TYW1: variants seen among roughly 807,000 people sequenced by gnomAD.
The protein encoded by TYW1 is tRNA-yW synthesizing protein 1 homolog, also known as S-adenosyl-L-methionine-dependent tRNA 4-demethylwyosine synthase TYW1.
In TYW1, 46 loss-of-function variants were observed where a neutral mutation model predicts 96.2. That is an observed-to-expected ratio of 0.48 (90% CI 0.38 to 0.61). TYW1 has a LOEUF of 0.61. Ranked by LOEUF, TYW1 falls within the 20% of genes least tolerant of loss-of-function variation. The pLI is 0.00. For synonymous variants in TYW1, 274 were observed against 323.0 expected (o/e 0.85, Z 1.63); for missense variants, 684 against 909.6 (o/e 0.75, Z 3.19).
chr7:67,018,977 A>C (rs200488789), intron 6 of TYW1, among the ~76,000 whole-genome samples: 11,169 of 99,986 alleles, frequency 0.11, 637 homozygotes, highest in East Asian at 0.3. Context: ...AAAAAAAGAA[A>C]AAAACAAAAT....
intron 12 of TYW1, among the ~76,000 whole-genome samples, chr7:67,100,963 G>GA (rs1048876365): frequency 7.9e-5 from 12 of 152,010 alleles, no homozygotes; most frequent in Non-Finnish European, 1.2e-4. Flanking sequence ...AGTTAGGTCA[G>GA]AAGCCACACT....
chr7:67,055,821 GC>G lies in TYW1; in HGVS notation c.1103-13del, dbSNP rs764311194. On this transcript the variant is annotated splice_polypyrimidine_tract_variant and intron_variant, in intron 8 of 15. Coordinates refer to ENST00000359626, the MANE Select transcript of TYW1 (RefSeq NM_018264.4). ...GGATCAGTCCAACTTTGTGTTCCCT[GC>G]TTTTCCACTCAGGTTATCAGTTGAT... 2 of 1,606,826 alleles carry G rather than the reference GC, an allele frequency of 1.2e-6. No homozygotes were observed. Among genetic ancestry groups the G allele is most frequent in the Non-Finnish European group, 1.7e-6 (2 of 1,177,060 alleles).
At chr7:67,212,215 T>C (rs931174900) in intron 15 of TYW1, among the ~76,000 whole-genome samples, 8 of 152,078 alleles carry the variant, frequency 5.3e-5, no homozygotes, top group Non-Finnish European at 1.0e-4. Flanking sequence ...GGGAAGTATA[T>C]ACTATGTAGT....
chr7:66,997,034 T>C (rs1793190554), intron 1 of TYW1, 52 bp downstream of exon 1: 1 of 1,611,790 alleles, frequency 6.2e-7, no homozygotes, highest in South Asian at 1.1e-5. Flanking sequence ...AGGTAAACGT[T>C]TTACTGAGAC....
intron 15 of TYW1, among the ~76,000 whole-genome samples, chr7:67,229,023 TATTATTTTCTGAGAAGGGATGGAA>T (rs1195306954): frequency 1.3e-5 from 2 of 152,332 alleles, no homozygotes; most frequent in East Asian, 3.9e-4. Flanking sequence ...TTTTTTTGGT[TATTATTTTCTGAGAAGGGATGGAA>T]GCTTGTAAAT....
intron 13 of TYW1, among the ~76,000 whole-genome samples, chr7:67,145,170 A>C (rs1463380974): frequency 9.4e-6 from 1 of 106,560 alleles, no homozygotes; most frequent in African/African-American, 4.0e-5. Flanking sequence ...TTTTTTTTGA[A>C]ACGAGTCTCG....
In TYW1 at chr7:67,230,715, C is replaced by T. The variant is rs188035891; in HGVS notation, c.1978-7593C>T. On this transcript the variant is annotated intron_variant, in intron 15 of 15. Coordinates refer to ENST00000359626, the MANE Select transcript of TYW1 (RefSeq NM_018264.4). ...TCCCCCAGGCTGGAGTGCAGTGGCG[C>T]GATCTCGGCTCACTGCAACCTCTAC... Among the ~76,000 whole-genome samples the T allele has an allele frequency of 9.9e-3, 1,417 of 143,530 alleles. 27 individuals carry two copies. The highest frequency in any genetic ancestry group is 0.035 in the African/African-American group (1,315 of 37,350). The allele number at this position is 143,530 out of a possible 152,430, so 94.2% of individuals were successfully genotyped here. A position where few individuals can be genotyped will look rare whatever the true frequency, so the allele number is the denominator to read the frequency against.
intron 4 of TYW1, among the ~76,000 whole-genome samples, chr7:67,012,863 C>T (rs764614372): frequency 2.0e-4 from 30 of 151,312 alleles, no homozygotes; most frequent in Non-Finnish European, 3.7e-4. Flanking sequence ...GATATATCCC[C>T]AAGGTACATC....
intron 14 of TYW1, among the ~76,000 whole-genome samples, chr7:67,188,796 A>G (rs1487114820): frequency 1.3e-5 from 2 of 152,186 alleles, no homozygotes; most frequent in African/African-American, 2.4e-5. Context: ...TGTGAAATCA[A>G]TAATACAAAT....
chr7:67,017,801 A>G, intron 5 of TYW1, 52 bp from the exon 6 acceptor site: 6 of 1,563,802 alleles, frequency 3.8e-6, no homozygotes, highest in Non-Finnish European at 5.2e-6. Flanking sequence ...GCAGTCTGGA[A>G]AACCCTGATT....
chr7:67,176,576 TA>T (rs1236892590), intron 13 of TYW1, among the ~76,000 whole-genome samples: 1 of 152,136 alleles, frequency 6.6e-6, no homozygotes, highest in Non-Finnish European at 1.5e-5. Flanking sequence ...TAAAATACAT[TA>T]AAAAAAATTT....
At chr7:67,145,359 C>T (rs28373802) in intron 13 of TYW1, among the ~76,000 whole-genome samples, 38,296 of 151,114 alleles carry the variant, frequency 0.25, 5,022 homozygotes, top group African/African-American at 0.37. Flanking sequence ...CCGTGTTAGC[C>T]AGGATGGTCT....
intron 9 of TYW1, among the ~76,000 whole-genome samples, chr7:67,064,887 A>G (rs1795812134): frequency 1.3e-5 from 2 of 152,262 alleles, no homozygotes; most frequent in African/African-American, 2.4e-5. Flanking sequence ...TGCTCCCCGC[A>G]ACAAATTCCG....
intron 10 of TYW1, among the ~76,000 whole-genome samples, chr7:67,082,122 T>C (rs1320282073): frequency 6.6e-6 from 1 of 152,066 alleles, no homozygotes; most frequent in East Asian, 1.9e-4. Flanking sequence ...TCGATTTTCC[T>C]TTTTCTTTCA....
At chr7:67,066,068 G>A (rs78809407) in intron 9 of TYW1, among the ~76,000 whole-genome samples, 12 of 151,902 alleles carry the variant, frequency 7.9e-5, no homozygotes, top group South Asian at 2.1e-4. Flanking sequence ...CTACTCATTC[G>A]TGTCTCTGCT....
chr7:67,088,438 G>A (rs1796613974), intron 11 of TYW1, among the ~76,000 whole-genome samples: 1 of 152,194 alleles, frequency 6.6e-6, no homozygotes, highest in Admixed American at 6.5e-5. Flanking sequence ...GTGGTAGTCT[G>A]TAACACTTCA....
chr7:67,220,331 G>A (rs1801347585), intron 15 of TYW1, among the ~76,000 whole-genome samples: 1 of 150,356 alleles, frequency 6.7e-6, no homozygotes, highest in South Asian at 2.1e-4. Context: ...AGCCTCCCGA[G>A]TAGCTGGGAC....
chr7:67,117,921 G>C lies in TYW1; in HGVS notation c.1698+303G>C, dbSNP rs13222146. 4.6e-5 allele frequency among the ~76,000 whole-genome samples: 7 copies of C among 151,856 alleles called. No homozygotes were observed. In the South Asian group the frequency reaches 1.5e-3, roughly 32 times the overall value. On this transcript the variant is annotated intron_variant, in intron 13 of 15. Coordinates refer to ENST00000359626, the MANE Select transcript of TYW1 (RefSeq NM_018264.4). The stretch of plus-strand genomic sequence containing the variant: ...ATATATACTCCCAAAGTTAATAACA[G>C]TTGGTCCTAGAACCAATTCCCCATA...
chr7:67,190,314 G>C (rs1268792391), intron 14 of TYW1, among the ~76,000 whole-genome samples: 1 of 152,230 alleles, frequency 6.6e-6, no homozygotes, highest in East Asian at 1.9e-4. Context: ...TACTAGATTA[G>C]AAAAGAGTTG....
Sources: gnomAD v4.1 joint callset for allele counts (sites outside exome capture counted in the v4.1 genomes callset) on GRCh38, gnomAD v4.1.1 for gene constraint, MANE v1.5 for transcripts, NCBI Gene and HGNC (gene_info 2026-07-23, HGNC 2026-07-21) for gene names.